ENOX1: variants seen among roughly 807,000 people sequenced by gnomAD.
The protein encoded by ENOX1 is candidate growth-related and time keeping constitutive hydroquinone (NADH) oxidase.
Under a neutral mutation model 82.5 loss-of-function variants are expected in ENOX1, and 42 were observed. The ratio of observed to expected loss-of-function variants is 0.51; its 90% CI spans 0.40 to 0.66. ENOX1 has a LOEUF of 0.66. Among genes scored for constraint, ENOX1 ranks in the 30% least tolerant of loss-of-function variants. The probability of loss-of-function intolerance (pLI) is 0.00; values close to 1 mark genes in which losing one functional copy is unlikely to be tolerated. For missense variants in ENOX1, 608 were observed against 811.6 expected, an observed-to-expected ratio of 0.75 and a Z score of 3.05; for synonymous variants, 271 against 282.2, an observed-to-expected ratio of 0.96 and a Z score of 0.40.
intron 11 of ENOX1, among the ~76,000 whole-genome samples, chr13:43,301,323 C>T (rs1017064035): frequency 6.6e-6 from 1 of 152,092 alleles, no homozygotes; most frequent in South Asian, 2.1e-4. Context: ...TAGCAAAATG[C>T]AAGCAGCTAT....
chr13:43,509,115 G>T (rs2077276703), intron 2 of ENOX1, among the ~76,000 whole-genome samples: 2 of 152,076 alleles, frequency 1.3e-5, no homozygotes, highest in Admixed American at 6.6e-5. Flanking sequence ...CTACTCTGTG[G>T]TAGGAAATAT....
chr13:43,326,621 C>T (rs980896312), intron 9 of ENOX1, 96 bp from the exon 10 acceptor site: 1 of 960,054 alleles, frequency 1.0e-6, no homozygotes, highest in Admixed American at 1.8e-5. Context: ...TGGATGATGT[C>T]ACAATAGAAA....
chr13:43,580,834 GTTTA>G lies in ENOX1; in HGVS notation c.-219+86641_-219+86644del, dbSNP rs371284914. Reference sequence around the variant, plus strand: ...CAGAAATTTGCTTGAGTCTTTAGAAGTTTATTTTAGAAACTTGAGAAGTTTTAAA... The same window carrying G: ...CAGAAATTTGCTTGAGTCTTTAGAAGTTTTAGAAACTTGAGAAGTTTTAAA... On this transcript the variant is annotated intron_variant, in intron 2 of 16. Coordinates refer to ENST00000690772, the MANE Select transcript of ENOX1 (RefSeq NM_001347969.2). 2.6e-3 allele frequency among the ~76,000 whole-genome samples: 392 copies of G among 152,264 alleles called. 3 individuals carry two copies. Among genetic ancestry groups the G allele is most frequent in the African/African-American group, 9.1e-3 (377 of 41,552 alleles).
intron 2 of ENOX1, among the ~76,000 whole-genome samples, chr13:43,661,429 T>C (rs537344909): frequency 6.6e-6 from 1 of 152,188 alleles, no homozygotes; most frequent in African/African-American, 2.4e-5. Context: ...TGAACACAGA[T>C]GCTTTCAAAC....
At chr13:43,577,931 A>G (rs2080517406) in intron 2 of ENOX1, among the ~76,000 whole-genome samples, 1 of 152,096 alleles carries the variant, frequency 6.6e-6, no homozygotes. Context: ...CACCATAATT[A>G]CCCAGAGTCA....
chr13:43,741,812 C>T (rs1029295215), intron 1 of ENOX1, among the ~76,000 whole-genome samples: 4 of 152,136 alleles, frequency 2.6e-5, no homozygotes, highest in African/African-American at 9.7e-5. Context: ...GAAACTGTTG[C>T]CTAATCCAAG....
At chr13:43,753,815 T>C (rs1486943543) in intron 1 of ENOX1, among the ~76,000 whole-genome samples, 1 of 152,170 alleles carries the variant, frequency 6.6e-6, no homozygotes, top group Non-Finnish European at 1.5e-5. Context: ...ACTAACCACA[T>C]AAGAGAAACT....
intron 2 of ENOX1, among the ~76,000 whole-genome samples, chr13:43,504,067 C>T (rs1289359307): frequency 6.6e-6 from 1 of 151,602 alleles, no homozygotes; most frequent in Non-Finnish European, 1.5e-5. Context: ...AGAAGACATA[C>T]AGGTATATGA....
At chr13:43,494,190 G>A (rs2076717191) in intron 2 of ENOX1, among the ~76,000 whole-genome samples, 1 of 152,024 alleles carries the variant, frequency 6.6e-6, no homozygotes, top group Admixed American at 6.6e-5. Flanking sequence ...ATCATCCTTA[G>A]ACCAGTCACA....
At chr13:43,744,853 C>T (rs990885286) in intron 1 of ENOX1, among the ~76,000 whole-genome samples, 1 of 152,162 alleles carries the variant, frequency 6.6e-6, no homozygotes, top group Admixed American at 6.5e-5. Context: ...GCTGAACTGC[C>T]TAAATAATGC....
At position 43,651,579 on chromosome 13, in the gene ENOX1, C is replaced by G. The variant is rs1481176410; in HGVS notation, c.-219+15900G>C. On this transcript the variant is annotated intron_variant, in intron 2 of 16. Coordinates refer to ENST00000690772, the MANE Select transcript of ENOX1 (RefSeq NM_001347969.2). Reference sequence around the variant, plus strand: ...GAGTGTGGTGGCAGGAACCTGTAATCCCAGCTACTCAGGAGGCTATGGCAG... The same window carrying G: ...GAGTGTGGTGGCAGGAACCTGTAATGCCAGCTACTCAGGAGGCTATGGCAG... Among the ~76,000 whole-genome samples the G allele has an allele frequency of 3.3e-5, 5 of 151,584 alleles. No homozygotes were observed. The Admixed American group carries it at 3.3e-4, about 10-fold the overall frequency.
intron 8 of ENOX1, among the ~76,000 whole-genome samples, chr13:43,349,577 T>G (rs998780279): frequency 2.0e-5 from 3 of 152,152 alleles, no homozygotes; most frequent in East Asian, 3.9e-4. Context: ...GGAGAACTCT[T>G]TGCTATATTC....
intron 1 of ENOX1, among the ~76,000 whole-genome samples, chr13:43,783,004 A>G (rs965778034): frequency 4.6e-5 from 7 of 152,210 alleles, no homozygotes; most frequent in African/African-American, 1.4e-4. Context: ...AGATCACTAC[A>G]CCAACAGTAT....
At chr13:43,219,639 A>G (rs566051132) in intron 16 of ENOX1, among the ~76,000 whole-genome samples, 34 of 152,368 alleles carry the variant, frequency 2.2e-4, no homozygotes, top group Non-Finnish European at 3.2e-4. Context: ...GTAACTAAGG[A>G]GCTTGTGTGC....
At chr13:43,214,423 G>C (rs1225620266) in intron 16 of ENOX1, among the ~76,000 whole-genome samples, 2 of 152,148 alleles carry the variant, frequency 1.3e-5, no homozygotes, top group Non-Finnish European at 2.9e-5. Flanking sequence ...TATAAAAGGA[G>C]ATGGGGAGGG....
chr13:43,753,080 G>A (rs566001333), intron 1 of ENOX1, among the ~76,000 whole-genome samples: 28 of 152,140 alleles, frequency 1.8e-4, no homozygotes, highest in African/African-American at 6.5e-4. Flanking sequence ...GGCTGGTCTC[G>A]AACTCCTGAC....
chr13:43,443,622 G>C (rs889510211), intron 3 of ENOX1, among the ~76,000 whole-genome samples: 1 of 152,100 alleles, frequency 6.6e-6, no homozygotes, highest in South Asian at 2.1e-4. Flanking sequence ...GTATATAACT[G>C]ATTATAATGT....
At chr13:43,728,730 T>C (rs2089147309) in intron 1 of ENOX1, among the ~76,000 whole-genome samples, 1 of 152,318 alleles carries the variant, frequency 6.6e-6, no homozygotes, top group South Asian at 2.1e-4. Flanking sequence ...ATATAGTAAG[T>C]AGTATTTCCC....
intron 5 of ENOX1, among the ~76,000 whole-genome samples, chr13:43,384,269 C>T (rs1205903262): frequency 6.6e-6 from 1 of 152,206 alleles, no homozygotes; most frequent in Non-Finnish European, 1.5e-5. Context: ...ACAGCAGCTA[C>T]TCTAAGCTGC....
Sources: gnomAD v4.1 joint callset for allele counts (sites outside exome capture counted in the v4.1 genomes callset) on GRCh38, gnomAD v4.1.1 for gene constraint, MANE v1.5 for transcripts, NCBI Gene and HGNC (gene_info 2026-07-23, HGNC 2026-07-21) for gene names.